The following DOP1B variants were observed in gnomAD, a reference collection of about 807,000 sequenced individuals.
DOP1B encodes DOP1 leucine zipper like protein B.
A neutral mutation model predicts 233.5 loss-of-function variants in DOP1B; 174 were observed. That is an observed-to-expected ratio of 0.75 (90% CI 0.66 to 0.85). DOP1B has a LOEUF of 0.85. Among genes scored for constraint, DOP1B ranks in the 40% least tolerant of loss-of-function variants. DOP1B has a pLI of 0.00. For synonymous variants in DOP1B, 1,190 were observed against 1,185.6 expected (o/e 1.00, Z -0.08); for missense variants, 2,652 against 2,846.6 (o/e 0.93, Z 1.56).
chr21:36,286,122 A>G (rs2067481228), intron 32 of DOP1B, among the ~76,000 whole-genome samples: 1 of 151,814 alleles, frequency 6.6e-6, no homozygotes, highest in African/African-American at 2.4e-5. Flanking sequence ...AGAGAAGGAG[A>G]TGGGGAGCTG....
chr21:36,229,252 A>G (rs1321843101), intron 13 of DOP1B, among the ~76,000 whole-genome samples: 2 of 152,114 alleles, frequency 1.3e-5, no homozygotes, highest in African/African-American at 4.8e-5. Flanking sequence ...TTGTTTTCTC[A>G]TGGTTTTGAA....
intron 15 of DOP1B, among the ~76,000 whole-genome samples, chr21:36,234,295 T>C (rs571606126): frequency 1.3e-5 from 2 of 152,174 alleles, no homozygotes; most frequent in South Asian, 4.1e-4. Flanking sequence ...TGGCCCTACA[T>C]AGATCAGAGA....
chr21:36,266,237 C>T (rs753307169), intron 26 of DOP1B, among the ~76,000 whole-genome samples: 5 of 152,168 alleles, frequency 3.3e-5, no homozygotes, highest in Non-Finnish European at 5.9e-5. Flanking sequence ...AGTGCAATGG[C>T]ACGATCTCAG....
intron 21 of DOP1B, among the ~76,000 whole-genome samples, chr21:36,249,472 C>A (rs1486413497): frequency 6.6e-6 from 1 of 152,120 alleles, no homozygotes; most frequent in Non-Finnish European, 1.5e-5. Flanking sequence ...TACCTAGATC[C>A]TCACCTCTAA....
intron 2 of DOP1B, among the ~76,000 whole-genome samples, chr21:36,167,049 A>T (rs1188104616): frequency 6.6e-6 from 1 of 152,172 alleles, no homozygotes; most frequent in Admixed American, 6.6e-5. Context: ...ACTTGCTCTG[A>T]AGGTGGATTG....
chr21:36,169,696 G>T, intron 2 of DOP1B: 1 of 907,418 alleles, frequency 1.1e-6, no homozygotes, highest in Non-Finnish European at 1.9e-6. Context: ...TGTGGGCAGC[G>T]AGGCGGGTGA....
At chr21:36,217,475 G>T (rs1409677216) in intron 9 of DOP1B, among the ~76,000 whole-genome samples, 6 of 152,166 alleles carry the variant, frequency 3.9e-5, no homozygotes, top group Admixed American at 3.9e-4. Context: ...ATTTGCCCAG[G>T]GCCAGTCAGG....
At chr21:36,196,185 T>C (rs949823677) in intron 2 of DOP1B, among the ~76,000 whole-genome samples, 2 of 152,238 alleles carry the variant, frequency 1.3e-5, no homozygotes, top group African/African-American at 4.8e-5. Flanking sequence ...AAATGAGATT[T>C]GGTAGTGTTA....
At chr21:36,208,223 G>A (rs1053373381) in intron 4 of DOP1B, among the ~76,000 whole-genome samples, 1 of 152,214 alleles carries the variant, frequency 6.6e-6, no homozygotes, top group Non-Finnish European at 1.5e-5. Context: ...AAAGGCAGAT[G>A]TCACTTGGCA....
intron 1 of DOP1B, among the ~76,000 whole-genome samples, chr21:36,159,223 G>A (rs1456569745): frequency 1.3e-5 from 2 of 152,170 alleles, no homozygotes; most frequent in East Asian, 3.9e-4. Context: ...AGGCCAAGGT[G>A]GGTGGATCAC....
intron 1 of DOP1B, among the ~76,000 whole-genome samples, chr21:36,161,049 A>G (rs1322514079): frequency 6.6e-6 from 1 of 152,160 alleles, no homozygotes; most frequent in Admixed American, 6.6e-5. Flanking sequence ...GAATAATCCA[A>G]CAGGTAAAGG....
chr21:36,198,099 T>G (rs956962603), intron 2 of DOP1B, among the ~76,000 whole-genome samples: 1 of 151,856 alleles, frequency 6.6e-6, no homozygotes, highest in East Asian at 1.9e-4. Flanking sequence ...GAACTACTTA[T>G]GCAGATCATT....
intron 7 of DOP1B, among the ~76,000 whole-genome samples, chr21:36,213,459 A>G (rs2066523704): frequency 1.3e-5 from 2 of 151,860 alleles, no homozygotes; most frequent in South Asian, 4.2e-4. Context: ...GAATACCTTG[A>G]TCTCACATAA....
intron 1 of DOP1B, among the ~76,000 whole-genome samples, chr21:36,157,701 A>C (rs2065832368): frequency 6.6e-6 from 1 of 152,236 alleles, no homozygotes. Context: ...GACCACATTC[A>C]AAACAGTGTG....
intron 4 of DOP1B, among the ~76,000 whole-genome samples, chr21:36,208,210 T>G (rs549500968): frequency 6.6e-6 from 1 of 152,336 alleles, no homozygotes; most frequent in South Asian, 2.1e-4. Flanking sequence ...CCCTAGCATT[T>G]CTAAAGGCAG....
rs577228398 is a variant in DOP1B, at chr21:36,251,469, G to T, written c.5121+185G>T. 3.7e-4 allele frequency among the ~76,000 whole-genome samples: 57 copies of T among 152,148 alleles called. 1 individual carries two copies. The South Asian group carries it at 8.3e-3, about 22-fold the overall frequency. ...AGTCTCTCTCTTTTCACCCAGGCTG[G>T]AGTGCAGTGGTGCGATCTTGGCTCA... On this transcript the variant is annotated intron_variant, in intron 22 of 36. Coordinates refer to ENST00000691173, the MANE Select transcript of DOP1B (RefSeq NM_001320714.2).
At chr21:36,215,666 A>C (rs922718080) in intron 9 of DOP1B, among the ~76,000 whole-genome samples, 2 of 148,738 alleles carry the variant, frequency 1.3e-5, no homozygotes, top group African/African-American at 4.9e-5. Flanking sequence ...CGGCCTCCCA[A>C]AGTGCTGGGA....
chr21:36,289,332 A>G (rs1247837520), intron 35 of DOP1B, 126 bp downstream of exon 35: 1 of 988,180 alleles, frequency 1.0e-6, no homozygotes, highest in Non-Finnish European at 1.5e-6. Context: ...AGTGACAGCT[A>G]AGCCAGCTCG....
At chr21:36,284,571 GTT>G (rs2067461340) in intron 32 of DOP1B, among the ~76,000 whole-genome samples, 1 of 151,934 alleles carries the variant, frequency 6.6e-6, no homozygotes, top group Non-Finnish European at 1.5e-5. Context: ...GCCCAGCCCT[GTT>G]CCTTCTTTCT....
Sources: gnomAD v4.1 joint callset for allele counts (sites outside exome capture counted in the v4.1 genomes callset) on GRCh38, gnomAD v4.1.1 for gene constraint, MANE v1.5 for transcripts, NCBI Gene and HGNC (gene_info 2026-07-23, HGNC 2026-07-21) for gene names.